FBXW10B: variants seen among roughly 807,000 people sequenced by gnomAD.
FBXW10B encodes F-box and WD repeat domain containing 10B.
chr17:15,591,594 T>A, the FBXW10B span, among the ~76,000 whole-genome samples: 1 of 152,192 alleles, frequency 6.6e-6, no homozygotes, highest in African/African-American at 2.4e-5. Flanking sequence ...GGCCTCAAGT[T>A]AAAATGCTTT....
the FBXW10B span, chr17:15,565,744 G>C: frequency 3.1e-6 from 5 of 1,613,936 alleles, no homozygotes; most frequent in East Asian, 2.2e-5. Context: ...CACGAACTCA[G>C]CGTTCACTCT....
chr17:15,601,157 C>A, the FBXW10B span, among the ~76,000 whole-genome samples: 1 of 149,606 alleles, frequency 6.7e-6, no homozygotes. Context: ...CGCCTGTAAT[C>A]CCAGCACTTT....
the FBXW10B span, chr17:15,593,239 C>T: frequency 6.3e-7 from 1 of 1,590,090 alleles, no homozygotes; most frequent in Non-Finnish European, 8.6e-7. Context: ...ACTCTCTCCT[C>T]CTGACAGCAA....
At chr17:15,608,246 C>T in the FBXW10B span, among the ~76,000 whole-genome samples, 10 of 147,242 alleles carry the variant, frequency 6.8e-5, no homozygotes, top group Middle Eastern at 3.2e-3. Context: ...CTGCAACCTC[C>T]GCCCTCCTGG....
the FBXW10B span, chr17:15,593,246 G>A: frequency 1.9e-6 from 3 of 1,593,268 alleles, no homozygotes; most frequent in Non-Finnish European, 2.6e-6. Context: ...CCTCCTGACA[G>A]CAAATCCAGG....
chr17:15,612,723 G>C, the FBXW10B span: 4 of 1,613,834 alleles, frequency 2.5e-6, no homozygotes, highest in Non-Finnish European at 3.4e-6. Context: ...CTTCCACTTC[G>C]GATGTTTCAC....
At chr17:15,602,127 A>G in the FBXW10B span, among the ~76,000 whole-genome samples, 1 of 149,474 alleles carries the variant, frequency 6.7e-6, no homozygotes, top group African/African-American at 2.5e-5. Flanking sequence ...AAAAAAAAAA[A>G]GAAAAGTGAA....
At chr17:15,605,307 C>T in the FBXW10B span, 19 of 1,596,422 alleles carry the variant, frequency 1.2e-5, no homozygotes, top group Admixed American at 1.1e-4. Flanking sequence ...AGCATGGCCT[C>T]GGAATTCAAC....
the FBXW10B span, among the ~76,000 whole-genome samples, chr17:15,581,949 A>G: frequency 6.6e-6 from 1 of 151,818 alleles, no homozygotes; most frequent in African/African-American, 2.4e-5. Context: ...CAGATGTCAG[A>G]GTAACACTTG....
At chr17:15,567,208 G>C in the FBXW10B span, among the ~76,000 whole-genome samples, 17 of 150,800 alleles carry the variant, frequency 1.1e-4, no homozygotes, top group Admixed American at 4.6e-4. Flanking sequence ...GGAGGCAGAG[G>C]TTGCAGTGAG....
the FBXW10B span, among the ~76,000 whole-genome samples, chr17:15,571,169 G>A: frequency 2.6e-5 from 4 of 152,072 alleles, no homozygotes; most frequent in African/African-American, 9.7e-5. Flanking sequence ...AATATAGTGA[G>A]ACCTCATCTT....
the FBXW10B span, among the ~76,000 whole-genome samples, chr17:15,595,134 T>G: frequency 1.6e-4 from 25 of 152,008 alleles, no homozygotes; most frequent in East Asian, 3.3e-3. Flanking sequence ...AAGGTCAGGA[T>G]ATTGAGACCA....
the FBXW10B span, chr17:15,588,621 A>C: frequency 2.0e-6 from 1 of 499,520 alleles, no homozygotes; most frequent in East Asian, 3.8e-5. Context: ...TCTCTTAACC[A>C]CTTTACTCTT....
the FBXW10B span, among the ~76,000 whole-genome samples, chr17:15,599,565 T>A: frequency 6.8e-5 from 10 of 147,356 alleles, no homozygotes; most frequent in Non-Finnish European, 1.2e-4. Context: ...TTAGAATCCA[T>A]GGCACTGATT....
the FBXW10B span, among the ~76,000 whole-genome samples, chr17:15,597,321 G>C: frequency 6.7e-6 from 1 of 148,890 alleles, no homozygotes; most frequent in African/African-American, 2.5e-5. Context: ...TGGCAGAACA[G>C]GGTTTTCTAA....
At chr17:15,603,914 A>C in the FBXW10B span, among the ~76,000 whole-genome samples, 15,395 of 131,984 alleles carry the variant, frequency 0.12, 1,513 homozygotes, top group African/African-American at 0.23. Flanking sequence ...CTACTAAAAA[A>C]TACAAAAAAA....
the FBXW10B span, among the ~76,000 whole-genome samples, chr17:15,607,258 A>G: frequency 1.3e-5 from 2 of 149,544 alleles, no homozygotes; most frequent in Non-Finnish European, 3.0e-5. Context: ...TTTTCCAATA[A>G]CCGTATATTA....
the FBXW10B span, chr17:15,594,779 C>G: frequency 1.1e-5 from 17 of 1,613,940 alleles, no homozygotes; most frequent in Non-Finnish European, 1.4e-5. Context: ...AGGCAGCGCT[C>G]GTACTTCCCC....
chr17:15,565,703 G>A, the FBXW10B span: 775 of 1,613,896 alleles, frequency 4.8e-4, no homozygotes, highest in Non-Finnish European at 6.3e-4. Context: ...TTGGCTTCCT[G>A]GTGCTCCTTC....
Sources: allele counts gnomAD v4.1 joint callset (sites outside exome capture counted in the v4.1 genomes callset), GRCh38; gene constraint gnomAD v4.1.1; transcripts MANE v1.5; gene names NCBI Gene and HGNC (gene_info 2026-07-23, HGNC 2026-07-21).